LRRC36: variants seen among roughly 807,000 people sequenced by gnomAD.
LRRC36 encodes the protein leucine rich repeat containing 36, also known as leucine-rich repeat-containing protein 36.
Under a neutral mutation model 81.1 loss-of-function variants are expected in LRRC36, and 62 were observed. That is an observed-to-expected ratio of 0.76 (90% CI 0.62 to 0.94). The LOEUF is 0.94. Among genes scored for constraint, LRRC36 ranks in the 40% least tolerant of loss-of-function variants. The probability of loss-of-function intolerance (pLI) is 0.00; values close to 1 mark genes in which losing one functional copy is unlikely to be tolerated. For missense variants in LRRC36, 761 were observed against 881.7 expected, an observed-to-expected ratio of 0.86 and a Z score of 1.73; for synonymous variants, 334 against 348.6, an observed-to-expected ratio of 0.96 and a Z score of 0.47.
At chr16:67,346,907 C>T (rs564020387) in intron 3 of LRRC36, among the ~76,000 whole-genome samples, 1 of 152,078 alleles carries the variant, frequency 6.6e-6, no homozygotes, top group Non-Finnish European at 1.5e-5. Context: ...CAGGGTCTCA[C>T]TCTGTTGCCC....
intron 5 of LRRC36, among the ~76,000 whole-genome samples, chr16:67,357,340 A>G (rs902677395): frequency 3.9e-5 from 6 of 152,260 alleles, no homozygotes; most frequent in Non-Finnish European, 7.3e-5. Flanking sequence ...TCATATCTGC[A>G]ATAGTTATTA....
chr16:67,348,878 G>A (rs536552097), intron 4 of LRRC36, among the ~76,000 whole-genome samples: 1 of 152,278 alleles, frequency 6.6e-6, no homozygotes, highest in East Asian at 1.9e-4. Context: ...ATTGGCCTGA[G>A]ATCCTTCCCT....
intron 9 of LRRC36, among the ~76,000 whole-genome samples, chr16:67,373,727 A>AG (rs2142144334): frequency 6.9e-6 from 1 of 145,382 alleles, no homozygotes; most frequent in East Asian, 2.1e-4. Context: ...AAAAAAAAAA[A>AG]AAAAGCCAGG....
At chr16:67,368,068 A>T (rs79732159) in intron 8 of LRRC36, among the ~76,000 whole-genome samples, 49 of 152,294 alleles carry the variant, frequency 3.2e-4, no homozygotes, top group African/African-American at 1.1e-3. Flanking sequence ...AAACAAAAAC[A>T]GAAGTTAGTT....
rs559980659 is a variant in LRRC36, at chr16:67,353,638, C to T, written c.577+3348C>T. Among the ~76,000 whole-genome samples, 6 of 152,256 alleles carry T rather than the reference C, an allele frequency of 3.9e-5. No homozygotes were observed. In the South Asian group the frequency reaches 6.2e-4, roughly 16 times the overall value. ...CTGGCCTCAAGTGACCCACGTTCCT[C>T]GGCCTCCCAAGGTGCTGGGATTATA... On this transcript the variant is annotated intron_variant, in intron 5 of 13. Coordinates refer to ENST00000329956, the MANE Select transcript of LRRC36 (RefSeq NM_018296.6).
At position 67,367,395 on chromosome 16, in the gene LRRC36, A is replaced by G; in HGVS notation, c.1133A>G (p.Asp378Gly). Residue 378 changes from aspartate to glycine, a missense_variant, in exon 8 of 14, where the codon GAC becomes GGC. Physicochemically the swap from Asp to Gly is moderately conservative, Grantham distance 94. This residue lies in a region of LRRC36 where 139 missense variants were observed against 214.0 expected (regional missense o/e 0.65). Coordinates refer to ENST00000329956, the MANE Select transcript of LRRC36 (RefSeq NM_018296.6). ...ACCACCGCTTCACATTCCTGTGGAG[A>G]CTTATTAACTTCTCTGTCAAACCCT... ...IKTTASHSCG[D>G]LLTSLSNPDS... 4.3e-6 allele frequency: 7 copies of G among 1,614,040 alleles called. No individual in the cohort carries two copies. The highest frequency in any genetic ancestry group is 5.1e-6 in the Non-Finnish European group (6 of 1,179,942).
At chr16:67,331,616 C>A (rs964316811) in intron 1 of LRRC36, among the ~76,000 whole-genome samples, 1 of 152,186 alleles carries the variant, frequency 6.6e-6, no homozygotes, top group African/African-American at 2.4e-5. Context: ...CATTATAGTT[C>A]TTATCATAAT....
chr16:67,352,137 C>T (rs1448539010), intron 5 of LRRC36, among the ~76,000 whole-genome samples: 1 of 152,212 alleles, frequency 6.6e-6, no homozygotes, highest in Admixed American at 6.5e-5. Flanking sequence ...TAAGAACAAA[C>T]TGCTTTGCTA....
intron 2 of LRRC36, among the ~76,000 whole-genome samples, chr16:67,345,080 G>A (rs1047910826): frequency 6.6e-6 from 1 of 151,960 alleles, no homozygotes; most frequent in African/African-American, 2.4e-5. Context: ...GGGAGGCCAA[G>A]GCAGGATAAT....
At chr16:67,361,466 AT>A (rs1471218183) in intron 5 of LRRC36, among the ~76,000 whole-genome samples, 2 of 152,226 alleles carry the variant, frequency 1.3e-5, no homozygotes, top group African/African-American at 4.8e-5. Flanking sequence ...TGGTAAAAAA[AT>A]AAAATTATAA....
At chr16:67,360,907 C>G (rs2039114075) in intron 5 of LRRC36, among the ~76,000 whole-genome samples, 2 of 151,928 alleles carry the variant, frequency 1.3e-5, no homozygotes, top group South Asian at 4.1e-4. Flanking sequence ...GAAAAAAATT[C>G]CTTAAACAAA....
chr16:67,362,135 TAC>T, intron 5 of LRRC36: 2 of 442,052 alleles, frequency 4.5e-6, no homozygotes, highest in Non-Finnish European at 9.0e-6. Flanking sequence ...CAAAATAACA[TAC>T]AGAGTGTTCT....
intron 5 of LRRC36, among the ~76,000 whole-genome samples, chr16:67,361,025 A>G (rs2039120084): frequency 2.0e-5 from 3 of 152,208 alleles, no homozygotes; most frequent in African/African-American, 7.2e-5. Context: ...TACAAATATG[A>G]CAACCTAATA....
At chr16:67,373,776 G>A (rs1204507625) in intron 9 of LRRC36, among the ~76,000 whole-genome samples, 1 of 149,890 alleles carries the variant, frequency 6.7e-6, no homozygotes, top group Non-Finnish European at 1.5e-5. Flanking sequence ...ACTTTGCGAG[G>A]CCAAGGCAGG....
At chr16:67,332,176 T>C (rs1371891200) in intron 1 of LRRC36, among the ~76,000 whole-genome samples, 1 of 152,144 alleles carries the variant, frequency 6.6e-6, no homozygotes, top group Non-Finnish European at 1.5e-5. Flanking sequence ...ACCCATATAT[T>C]AAAATTGGAA....
At chr16:67,376,939 G>T (rs2039923012) in intron 11 of LRRC36, 67 bp downstream of exon 11, 2 of 1,514,584 alleles carry the variant, frequency 1.3e-6, no homozygotes, top group Admixed American at 2.0e-5. Context: ...CTGCCTTAAT[G>T]ATCAGCATCA....
chr16:67,365,237 A>T, intron 6 of LRRC36, 67 bp from the exon 7 acceptor site: 1 of 955,730 alleles, frequency 1.0e-6, no homozygotes, highest in South Asian at 1.4e-5. Flanking sequence ...CTGAACCCCT[A>T]GTCTAATAAG....
rs34575374 is a variant in LRRC36, at chr16:67,345,313, C to CAAA, written c.199-928_199-926dup. Among the ~76,000 whole-genome samples, 20 of 88,182 alleles carry CAAA rather than the reference C, an allele frequency of 2.3e-4. No homozygotes were observed. The Admixed American group carries it at 2.3e-3, about 10-fold the overall frequency. 57.9% of individuals were successfully genotyped at this position (88,182 alleles called of 152,430 possible). ...TGGGCGATAGAGTGATACCCTGTCT[C>CAAA]AAAAAAAAAAAAAAAAAGTATGCGA... On this transcript the variant is annotated intron_variant, in intron 2 of 13. Transcript: ENST00000329956.
chr16:67,350,525 A>G (rs113343333), intron 5 of LRRC36, among the ~76,000 whole-genome samples: 7 of 152,324 alleles, frequency 4.6e-5, no homozygotes, highest in African/African-American at 1.7e-4. Context: ...AATTTCATTT[A>G]CATCACTTTA....
Sources: gnomAD v4.1 joint callset for allele counts (sites outside exome capture counted in the v4.1 genomes callset) on GRCh38, gnomAD v4.1.1 for gene constraint, gnomAD v4.1.1 regional missense constraint, MANE v1.5 for transcripts, NCBI Gene and HGNC (gene_info 2026-07-23, HGNC 2026-07-21) for gene names.